The following RAI2 variants were observed in gnomAD, a reference collection of about 807,000 sequenced individuals.
The protein encoded by RAI2 is retinoic acid induced 2.
A neutral mutation model predicts 15.3 loss-of-function variants in RAI2; 5 were observed. The ratio of observed to expected loss-of-function variants is 0.33; its 90% confidence interval spans 0.17 to 0.69. The LOEUF is 0.69. Among genes scored for constraint, RAI2 ranks in the 30% least tolerant of loss-of-function variants. The probability of loss-of-function intolerance (pLI) is 0.69; values close to 1 mark genes in which losing one functional copy is unlikely to be tolerated. For missense variants in RAI2, 424 were observed against 424.7 expected, an observed-to-expected ratio of 1.00 and a Z score of 0.01; for synonymous variants, 191 against 184.0, an observed-to-expected ratio of 1.04 and a Z score of -0.31.
chrX:17,806,487 A>T (rs954007170), intron 1 of RAI2, among the ~76,000 whole-genome samples: 1 of 111,457 alleles, frequency 9.0e-6, no homozygotes, highest in African/African-American at 3.3e-5. Context: ...GGCAACCTGG[A>T]TCTGCAAGTT....
At chrX:17,856,031 T>C (rs1487884542) in intron 1 of RAI2, among the ~76,000 whole-genome samples, 1 of 111,864 alleles carries the variant, frequency 8.9e-6, no homozygotes, top group Non-Finnish European at 1.9e-5. Flanking sequence ...TCCATCATCA[T>C]AGAAAGTTTT....
rs1291207987 is a variant in RAI2 at position 17,800,130 on chromosome X, G to A, written c.*288C>T. On this transcript the variant is annotated 3_prime_UTR_variant, in exon 2 of 2. Coordinates refer to ENST00000451717, the MANE Select transcript of RAI2 (RefSeq NM_021785.6). The stretch of plus-strand genomic sequence containing the variant: ...CATCATCAAAGCACTTTGTGGCAAT[G>A]AAAATAGCTTTTTTTACCCCTCTAA... 2 of 268,758 alleles carry A rather than the reference G, an allele frequency of 7.4e-6. No homozygotes were observed. Among genetic ancestry groups the A allele is most frequent in the African/African-American group, 5.6e-5 (2 of 35,585 alleles). 22.1% of individuals were successfully genotyped at this position (268,758 alleles called of 1,213,427 possible).
chrX:17,835,152 G>A (rs1352432018), intron 1 of RAI2, among the ~76,000 whole-genome samples: 1 of 111,903 alleles, frequency 8.9e-6, no homozygotes, highest in Non-Finnish European at 1.9e-5. Flanking sequence ...GCGCCCATAC[G>A]CTACCATTCA....
At chrX:17,803,880 G>A (rs1172663897) in intron 1 of RAI2, among the ~76,000 whole-genome samples, 1 of 111,977 alleles carries the variant, frequency 8.9e-6, no homozygotes, top group Non-Finnish European at 1.9e-5. Flanking sequence ...TGAAGGGTCT[G>A]GTTCTTTAGG....
intron 1 of RAI2, among the ~76,000 whole-genome samples, chrX:17,857,469 C>T (rs1252950729): frequency 8.9e-6 from 1 of 111,734 alleles, no homozygotes; most frequent in African/African-American, 3.3e-5. Flanking sequence ...TTAAAAATAC[C>T]TCACCCAGCC....
intron 1 of RAI2, among the ~76,000 whole-genome samples, chrX:17,857,822 G>A (rs2067632760): frequency 8.9e-6 from 1 of 112,154 alleles, no homozygotes; most frequent in African/African-American, 3.2e-5. Flanking sequence ...CAAGATGAAA[G>A]GGTACAGTCT....
chrX:17,860,885 G>A (rs1353620784), intron 1 of RAI2, among the ~76,000 whole-genome samples: 1 of 105,119 alleles, frequency 9.5e-6, no homozygotes, highest in East Asian at 3.0e-4. Context: ...CGCCACACGG[G>A]CGGCGGCCTC....
intron 1 of RAI2, among the ~76,000 whole-genome samples, chrX:17,852,565 C>T (rs2067549159): frequency 8.9e-6 from 1 of 112,012 alleles, no homozygotes; most frequent in African/African-American, 3.2e-5. Flanking sequence ...CCCTGCCCCC[C>T]AAACACCCAT....
At chrX:17,803,636 T>C (rs2066945465) in intron 1 of RAI2, among the ~76,000 whole-genome samples, 1 of 112,351 alleles carries the variant, frequency 8.9e-6, no homozygotes, top group East Asian at 2.8e-4. Flanking sequence ...AATCAGAATG[T>C]GTCACATGCA....
rs577637764 is a variant in RAI2, at chrX:17,838,763, G to A, written c.-25+22335C>T. Among the ~76,000 whole-genome samples the A allele has an allele frequency of 3.8e-4, 42 of 110,198 alleles. 2 individuals are homozygous for A. In the South Asian group the frequency reaches 0.016, roughly 41 times the overall value. ...ACCCTGCAACACCACATGCACTCAC[G>A]TCCCACACTGCTGCTGCAACACACC... is the stretch of plus-strand genomic sequence containing the variant. On this transcript the variant is annotated intron_variant, in intron 1 of 1. Coordinates refer to ENST00000451717, the MANE Select transcript of RAI2 (RefSeq NM_021785.6).
chrX:17,856,364 G>C, intron 1 of RAI2, among the ~76,000 whole-genome samples: 1 of 111,509 alleles, frequency 9.0e-6, no homozygotes, highest in East Asian at 2.8e-4. Context: ...CGTGAGAGTG[G>C]AGCCTTCATG....
chrX:17,849,857 A>G (rs1490660082), intron 1 of RAI2, among the ~76,000 whole-genome samples: 1 of 112,731 alleles, frequency 8.9e-6, no homozygotes, highest in African/African-American at 3.2e-5. Context: ...GAAACCAGAA[A>G]GCCTCATTTT....
At chrX:17,850,534 G>A (rs1273616984) in intron 1 of RAI2, among the ~76,000 whole-genome samples, 1 of 112,459 alleles carries the variant, frequency 8.9e-6, no homozygotes, top group African/African-American at 3.2e-5. Context: ...TTCTTCACGT[G>A]GGCTTAGGAC....
At chrX:17,850,884 C>A in intron 1 of RAI2, among the ~76,000 whole-genome samples, 1 of 112,923 alleles carries the variant, frequency 8.9e-6, no homozygotes, top group Middle Eastern at 4.6e-3. Context: ...GAATACAGGG[C>A]AGTTTTGTAA....
chrX:17,827,947 C>G (rs1238407963), intron 1 of RAI2, among the ~76,000 whole-genome samples: 1 of 110,490 alleles, frequency 9.1e-6, no homozygotes, highest in Non-Finnish European at 1.9e-5. Flanking sequence ...AGTTCTAGGC[C>G]AGCAATTCTA....
chrX:17,819,174 ACCT>A (rs752566739), intron 1 of RAI2, among the ~76,000 whole-genome samples: 13 of 111,018 alleles, frequency 1.2e-4, no homozygotes, highest in African/African-American at 4.3e-4. Flanking sequence ...ATTAGTAGAA[ACCT>A]CCTGTCCCTA....
intron 1 of RAI2, among the ~76,000 whole-genome samples, chrX:17,853,979 A>T (rs779570695): frequency 1.8e-5 from 2 of 112,387 alleles, no homozygotes; most frequent in South Asian, 3.7e-4. Flanking sequence ...TTTTAAAAAA[A>T]CTAAAACAAG....
At chrX:17,860,315 C>G (rs1434005131) in intron 1 of RAI2, among the ~76,000 whole-genome samples, 1 of 112,819 alleles carries the variant, frequency 8.9e-6, no homozygotes, top group Non-Finnish European at 1.9e-5. Context: ...GAGCACAACC[C>G]CAACCCCGAA....
rs750747011 is a variant in RAI2 at position 17,801,449 on chromosome X, G to A, written c.562C>T (p.Leu188Phe). 4.3e-6 allele frequency: 5 copies of A among 1,164,247 alleles called. No homozygotes were observed. The highest frequency in any genetic ancestry group is 5.7e-6 in the Non-Finnish European group (5 of 872,638). Reference protein sequence around the residue: ...QEPTLPFEAVLQNLFPSQGTL... With the variant: ...QEPTLPFEAVFQNLFPSQGTL... The stretch of plus-strand genomic sequence containing the variant: ...CCCTGGGAGGGAAACAAATTCTGGA[G>A]CACAGCTTCAAATGGCAAAGTGGGC... Residue 188 changes from leucine (L) to phenylalanine (F), a missense_variant, in exon 2 of 2, where the codon CTC (leucine) becomes TTC (phenylalanine). Transcript: ENST00000451717.
Sources: allele counts gnomAD v4.1 joint callset (sites outside exome capture counted in the v4.1 genomes callset), GRCh38; gene constraint gnomAD v4.1.1; transcripts MANE v1.5; gene names NCBI Gene and HGNC (gene_info 2026-07-23, HGNC 2026-07-21).